STPG2: variants seen among roughly 807,000 people sequenced by gnomAD.
STPG2 encodes sperm-tail PG-rich repeat-containing protein 2.
In STPG2, 56 loss-of-function variants were observed where a neutral mutation model predicts 54.2. The ratio of observed to expected loss-of-function variants is 1.03; its 90% CI spans 0.83 to 1.29. The LOEUF is 1.29. Among genes scored for constraint, STPG2 ranks in the 50% most tolerant of loss-of-function variants. STPG2 has a pLI of 0.00. For synonymous variants in STPG2, 200 were observed against 181.8 expected, an observed-to-expected ratio of 1.10 and a Z score of -0.81; for missense variants, 596 against 544.9, an observed-to-expected ratio of 1.09 and a Z score of -0.93.
At chr4:97,613,272 G>T (rs917033047) in intron 10 of STPG2, among the ~76,000 whole-genome samples, 11 of 152,040 alleles carry the variant, frequency 7.2e-5, no homozygotes, top group Admixed American at 2.0e-4. Flanking sequence ...GACCTTGGCA[G>T]TATTGAAGAG....
intron 8 of STPG2, among the ~76,000 whole-genome samples, chr4:97,884,086 C>G (rs1395281): frequency 0.16 from 24,525 of 151,744 alleles, 2,151 homozygotes; most frequent in East Asian, 0.36. Flanking sequence ...TCAGTCCAGG[C>G]CCAATAAACT....
chr4:97,590,374 T>G (rs2148897655), intron 10 of STPG2, among the ~76,000 whole-genome samples: 1 of 152,098 alleles, frequency 6.6e-6, no homozygotes, highest in Middle Eastern at 3.4e-3. Flanking sequence ...GGGATGCCTG[T>G]ATCATTATTC....
At chr4:98,046,710 C>A (rs1331835529) in intron 5 of STPG2, among the ~76,000 whole-genome samples, 1 of 152,172 alleles carries the variant, frequency 6.6e-6, no homozygotes, top group Non-Finnish European at 1.5e-5. Flanking sequence ...CTAATTTTAT[C>A]TCACTCACTC....
At chr4:97,750,720 T>C (rs997765289) in intron 9 of STPG2, among the ~76,000 whole-genome samples, 3 of 151,646 alleles carry the variant, frequency 2.0e-5, no homozygotes, top group South Asian at 2.1e-4. Flanking sequence ...CTGAAAAATA[T>C]ATAATGTATT....
At chr4:97,731,125 G>A (rs968790148) in intron 9 of STPG2, among the ~76,000 whole-genome samples, 1 of 152,160 alleles carries the variant, frequency 6.6e-6, no homozygotes, top group Non-Finnish European at 1.5e-5. Flanking sequence ...ATCTGAGAGG[G>A]CTAGTGTTCC....
At chr4:97,619,528 T>G (rs1465229835) in intron 10 of STPG2, among the ~76,000 whole-genome samples, 6 of 151,434 alleles carry the variant, frequency 4.0e-5, no homozygotes, top group Non-Finnish European at 5.9e-5. Flanking sequence ...TCCAGTGTTT[T>G]TTTTTTTTTT....
intron 4 of STPG2, among the ~76,000 whole-genome samples, chr4:97,463,094 G>T (rs1329081179): frequency 9.2e-5 from 14 of 152,056 alleles, no homozygotes; most frequent in African/African-American, 3.1e-4. Flanking sequence ...GTATGCAAAT[G>T]TGGTAAATTA....
chr4:97,920,682 G>C (rs1044118904), intron 8 of STPG2, among the ~76,000 whole-genome samples: 16 of 152,028 alleles, frequency 1.1e-4, no homozygotes. Flanking sequence ...ACCCTGAACA[G>C]CTGACAACCT....
intron 5 of STPG2, among the ~76,000 whole-genome samples, chr4:98,039,688 A>ACATATATATC (rs1553936002): frequency 1.8e-5 from 1 of 56,574 alleles, no homozygotes; most frequent in Non-Finnish European, 4.1e-5. Context: ...TGATACATAT[A>ACATATATATC]TATATATATA....
intron 9 of STPG2, among the ~76,000 whole-genome samples, chr4:97,765,788 G>A (rs548186079): frequency 1.3e-5 from 2 of 152,238 alleles, no homozygotes; most frequent in South Asian, 4.1e-4. Flanking sequence ...TTCATATTAG[G>A]AATAGTTGAA....
chr4:98,029,682 T>C (rs1736533809), intron 5 of STPG2, among the ~76,000 whole-genome samples: 1 of 152,188 alleles, frequency 6.6e-6, no homozygotes, highest in Non-Finnish European at 1.5e-5. Flanking sequence ...TGCGTGCTCT[T>C]ATTCTCATAT....
intron 10 of STPG2, among the ~76,000 whole-genome samples, chr4:97,602,626 T>G (rs1560680873): frequency 6.6e-6 from 1 of 151,810 alleles, no homozygotes; most frequent in Non-Finnish European, 1.5e-5. Context: ...GAATTTTTAT[T>G]AAAAATGTAT....
chr4:97,581,169 A>G (rs1218631752), intron 10 of STPG2, among the ~76,000 whole-genome samples: 2 of 152,080 alleles, frequency 1.3e-5, no homozygotes, highest in African/African-American at 2.4e-5. Context: ...TTCTTTGGTC[A>G]CACTAAACAC....
At chr4:97,513,674 T>C (rs1405870498) in intron 4 of STPG2, among the ~76,000 whole-genome samples, 1 of 152,146 alleles carries the variant, frequency 6.6e-6, no homozygotes, top group East Asian at 1.9e-4. Flanking sequence ...CTTTTAATAT[T>C]TCAAAAATTT....
intron 8 of STPG2, among the ~76,000 whole-genome samples, chr4:97,858,339 G>A (rs183776264): frequency 3.5e-4 from 54 of 152,262 alleles, no homozygotes; most frequent in Middle Eastern, 3.4e-3. Context: ...GCTCAAGTAT[G>A]TCTGACAGCA....
intron 8 of STPG2, among the ~76,000 whole-genome samples, chr4:97,925,591 C>T (rs1417667209): frequency 1.3e-5 from 2 of 152,136 alleles, no homozygotes; most frequent in African/African-American, 4.8e-5. Flanking sequence ...GACCAACCAA[C>T]AAAGCAAACC....
Position 98,096,548 on chromosome 4 carries a change from T to C in STPG2, c.612+9405A>G, listed in dbSNP as rs1030336420. On this transcript the variant is annotated intron_variant, in intron 5 of 10. Transcript: ENST00000295268. ...AAATTTCAGATAAAGAACCTAATGA[T>C]GCATCTTCAAGAACTAAAATGGCAA... is the stretch of plus-strand genomic sequence containing the variant. 5.9e-5 allele frequency among the ~76,000 whole-genome samples: 9 copies of C among 152,080 alleles called. 1 individual carries two copies. The highest frequency in any genetic ancestry group is 6.8e-3 in the Middle Eastern group (2 of 294).
At chr4:97,511,454 T>C (rs896287457) in intron 4 of STPG2, among the ~76,000 whole-genome samples, 13 of 151,978 alleles carry the variant, frequency 8.6e-5, no homozygotes, top group African/African-American at 3.1e-4. Context: ...TTCCAAAATA[T>C]ATAAAGAAAA....
At chr4:97,994,560 G>C (rs1377081311) in intron 5 of STPG2, among the ~76,000 whole-genome samples, 1 of 152,096 alleles carries the variant, frequency 6.6e-6, no homozygotes, top group Non-Finnish European at 1.5e-5. Context: ...CTGAGCTGCA[G>C]TGATTATTGT....
Sources: gnomAD v4.1 joint callset for allele counts (sites outside exome capture counted in the v4.1 genomes callset) on GRCh38, gnomAD v4.1.1 for gene constraint, MANE v1.5 for transcripts, NCBI Gene and HGNC (gene_info 2026-07-23, HGNC 2026-07-21) for gene names.